UFM1: variants seen among roughly 807,000 people sequenced by gnomAD.
The protein encoded by UFM1 is ubiquitin-fold modifier 1.
UFM1 carries 9 observed loss-of-function variants against 15.4 expected under a neutral mutation model. The observed-to-expected ratio is 0.59, with a 90% CI of 0.35 to 1.02. The LOEUF is 1.02. Ranked by LOEUF, UFM1 falls within the 50% of genes least tolerant of loss-of-function variation. The pLI is 0.02. For synonymous variants in UFM1, 27 were observed against 36.3 expected (o/e 0.74, Z 0.92); for missense variants, 98 against 104.7 (o/e 0.94, Z 0.28).
rs1879509756 is a variant in UFM1, at chr13:38,363,340, CTAAG to C, written c.*2564_*2567del. The C allele has an allele frequency of 6.6e-6, 1 of 152,068 alleles. No homozygotes were observed. Among genetic ancestry groups the C allele is most frequent in the African/African-American group, 2.4e-5 (1 of 41,388 alleles). The allele number at this position is 152,068 out of a possible 1,614,324, so 9.4% of individuals were successfully genotyped here. On this transcript the variant is annotated 3_prime_UTR_variant, in exon 6 of 6. Coordinates refer to ENST00000239878, the MANE Select transcript of UFM1 (RefSeq NM_016617.4). ...GGAGCAATAGGCCATACCAAATAGCCTAAGTTTGTAGTAGGTGACATCAACTAGG... is the reference window on the plus strand; with the variant it reads ...GGAGCAATAGGCCATACCAAATAGCCTTTGTAGTAGGTGACATCAACTAGG...
intron 3 of UFM1, among the ~76,000 whole-genome samples, chr13:38,356,669 G>T (rs1879109864): frequency 9.7e-6 from 1 of 103,544 alleles, no homozygotes; most frequent in Non-Finnish European, 1.9e-5. Context: ...GTGTTTCCCA[G>T]ACAACTAGAA....
chr13:38,352,862 A>G (rs1415733487), intron 2 of UFM1, among the ~76,000 whole-genome samples: 3 of 152,184 alleles, frequency 2.0e-5, no homozygotes. Flanking sequence ...TTGAACTCCA[A>G]GGGTTTAGAA....
rs1232514089 is a variant in UFM1, at chr13:38,362,258, T to C, written c.*1480T>C. 2 of 152,116 alleles carry C rather than the reference T, an allele frequency of 1.3e-5. No homozygotes were observed. Among genetic ancestry groups the C allele is most frequent in the Admixed American group, 6.5e-5 (1 of 15,276 alleles). 9.4% of individuals were successfully genotyped at this position (152,116 alleles called of 1,614,324 possible). A position where few individuals can be genotyped will look rare whatever the true frequency, so the allele number is the denominator to read the frequency against. ...GCATGTTTCAGTATCTTCTCTATCATAGGCCCTAAGTTCATTGGGGGAAAA... is the reference window on the plus strand; with the variant it reads ...GCATGTTTCAGTATCTTCTCTATCACAGGCCCTAAGTTCATTGGGGGAAAA... On this transcript the variant is annotated 3_prime_UTR_variant, in exon 6 of 6. Coordinates refer to ENST00000239878, the MANE Select transcript of UFM1 (RefSeq NM_016617.4).
chr13:38,360,942 T>G lies in UFM1; in HGVS notation c.*164T>G. On this transcript the variant is annotated 3_prime_UTR_variant, in exon 6 of 6. Coordinates refer to ENST00000239878, the MANE Select transcript of UFM1 (RefSeq NM_016617.4). ...CTTTTTGTTGTCCATACTCTTCCTA[T>G]GAAGAGGGAATGCGTATGAATTAAG... 1.8e-6 allele frequency: 1 copy of G among 540,570 alleles called. No homozygotes were observed. The highest frequency in any genetic ancestry group is 3.3e-6 in the Non-Finnish European group (1 of 305,294). The allele number at this position is 540,570 out of a possible 1,614,324, so 33.5% of individuals were successfully genotyped here. A position where few individuals can be genotyped will look rare whatever the true frequency, so the allele number is the denominator to read the frequency against.
chr13:38,354,119 A>C (rs1878981383), intron 2 of UFM1, 120 bp from the exon 3 acceptor site: 1 of 769,752 alleles, frequency 1.3e-6, no homozygotes, highest in South Asian at 2.2e-5. Context: ...AAAATCACTA[A>C]CTTTGAAACT....
intron 2 of UFM1, 123 bp from the exon 3 acceptor site, chr13:38,354,116 C>G: frequency 2.7e-6 from 2 of 749,152 alleles, no homozygotes; most frequent in East Asian, 5.2e-5. Context: ...ATCAAAATCA[C>G]TAACTTTGAA....
In UFM1 at chr13:38,353,199, TATAGTC is replaced by T. The variant is rs1878940156; in HGVS notation, c.60-1038_60-1033del. Among the ~76,000 whole-genome samples the T allele has an allele frequency of 2.0e-5, 3 of 152,140 alleles. No homozygotes were observed. In the South Asian group the frequency reaches 6.2e-4, roughly 31 times the overall value. ...ATGCTGTTCCTGTTATAATGATTCT[TATAGTC>T]AGAGATCTGTAGACTGAGTGAGGAG... On this transcript the variant is annotated intron_variant, in intron 2 of 5. Coordinates refer to ENST00000239878, the MANE Select transcript of UFM1 (RefSeq NM_016617.4).
At chr13:38,358,490 T>C (rs553580069) in intron 4 of UFM1, among the ~76,000 whole-genome samples, 9 of 152,032 alleles carry the variant, frequency 5.9e-5, no homozygotes, top group Admixed American at 3.3e-4. Context: ...TTGCTATACC[T>C]TTCCTGATAG....
Position 38,361,655 on chromosome 13 carries a change from A to G in UFM1, c.*877A>G, listed in dbSNP as rs558810615. 1 of 152,220 alleles carries G rather than the reference A, an allele frequency of 6.6e-6. No homozygotes were observed. Among genetic ancestry groups the G allele is most frequent in the African/African-American group, 2.4e-5 (1 of 41,454 alleles). 9.4% of individuals were successfully genotyped at this position (152,220 alleles called of 1,614,324 possible). ...TACAGATCGGAAGTGCTGATGAGTT[A>G]TATTTATTGAAAACCCAACTTTTAA... On this transcript the variant is annotated 3_prime_UTR_variant, in exon 6 of 6. Transcript: ENST00000239878.
chr13:38,354,692 T>C (rs1879016633), intron 3 of UFM1: 1 of 155,370 alleles, frequency 6.4e-6, no homozygotes, highest in Non-Finnish European at 1.4e-5. Context: ...TCAAATTTTC[T>C]ATATGAGCAT....
chr13:38,354,381 C>G, intron 3 of UFM1, 85 bp downstream of exon 3: 1 of 1,177,540 alleles, frequency 8.5e-7, no homozygotes, highest in Non-Finnish European at 1.2e-6. Flanking sequence ...TGCACTTTGA[C>G]CCATCATTTC....
chr13:38,356,638 T>G (rs372399896), intron 3 of UFM1, among the ~76,000 whole-genome samples: 2 of 147,600 alleles, frequency 1.4e-5, no homozygotes, highest in South Asian at 4.3e-4. Flanking sequence ...GTATATGTAA[T>G]GATTATAGAT....
At chr13:38,359,396 G>T (rs757662079) in intron 5 of UFM1, 63 bp downstream of exon 5, 1 of 1,546,282 alleles carries the variant, frequency 6.5e-7, no homozygotes, top group South Asian at 1.1e-5. Flanking sequence ...ACACTGAATA[G>T]TTAAGCTATT....
chr13:38,349,966 C>T (rs751751774), intron 1 of UFM1, 33 bp from the exon 2 acceptor site: 3 of 1,614,036 alleles, frequency 1.9e-6, no homozygotes, highest in Non-Finnish European at 2.5e-6. Context: ...GTCCAGCTGC[C>T]CGACCCTGAC....
At chr13:38,353,626 G>A (rs1878962186) in intron 2 of UFM1, among the ~76,000 whole-genome samples, 1 of 151,902 alleles carries the variant, frequency 6.6e-6, no homozygotes, top group African/African-American at 2.4e-5. Context: ...TCTCCAAAAT[G>A]TTATTTCACA....
At chr13:38,356,566 T>TA (rs150735016) in intron 3 of UFM1, among the ~76,000 whole-genome samples, 1,615 of 151,864 alleles carry the variant, frequency 0.011, 31 homozygotes, top group African/African-American at 0.037. Flanking sequence ...TTTAAGGCCT[T>TA]ATTTTAAAAG....
chr13:38,350,048 T>C lies in UFM1; in HGVS notation c.52T>C (p.Tyr18His). 3.1e-6 allele frequency: 5 copies of C among 1,614,242 alleles called. No homozygotes were observed. The highest frequency in any genetic ancestry group is 4.2e-6 in the Non-Finnish European group (5 of 1,180,046). The part of the protein sequence containing the change: ...ITLTSDPRLP[Y>H]KVLSVPESTP... The stretch of plus-strand genomic sequence containing the variant: ...GCTGACGTCGGACCCACGGCTGCCG[T>C]ACAAAGTGTGAGTAGCTCGGCCGAG... The change falls in exon 2 of 6, where the codon TAC (tyrosine) becomes CAC (histidine). Residue 18 changes from tyrosine to histidine, a missense_variant. Tyr to His is a moderately conservative substitution (Grantham distance 83, BLOSUM62 2). Transcript: ENST00000239878.
chr13:38,355,843 T>G (rs1274478969), intron 3 of UFM1, among the ~76,000 whole-genome samples: 3 of 151,804 alleles, frequency 2.0e-5, no homozygotes, highest in African/African-American at 7.2e-5. Context: ...TGTAGAATCA[T>G]TCAGTGAGAA....
intron 2 of UFM1, 186 bp downstream of exon 2, chr13:38,350,241 C>T (rs776505241): frequency 6.3e-7 from 1 of 1,599,574 alleles, no homozygotes. Context: ...CGTACTTGCT[C>T]GCTAAGTGTC....
Sources: allele counts gnomAD v4.1 joint callset (sites outside exome capture counted in the v4.1 genomes callset), GRCh38; gene constraint gnomAD v4.1.1; transcripts MANE v1.5; gene names NCBI Gene and HGNC (gene_info 2026-07-23, HGNC 2026-07-21).